The following FAM53A variants were observed in gnomAD, a reference collection of about 807,000 sequenced individuals.
FAM53A encodes the protein protein FAM53A.
A neutral mutation model predicts 26.6 loss-of-function variants in FAM53A; 28 were observed. The observed-to-expected ratio is 1.05, with a 90% CI of 0.78 to 1.45. The LOEUF (loss-of-function observed/expected upper bound fraction) is 1.45. Ranked by LOEUF, FAM53A falls within the 40% of genes most tolerant of loss-of-function variation. The pLI, the probability that FAM53A is intolerant of heterozygous loss-of-function variation, is 0.00. For synonymous variants in FAM53A, 290 were observed against 253.1 expected (o/e 1.15, Z -1.38); for missense variants, 650 against 575.8 (o/e 1.13, Z -1.32).
intron 4 of FAM53A, among the ~76,000 whole-genome samples, chr4:1,649,640 G>A (rs1712571247): frequency 1.3e-5 from 2 of 152,250 alleles, no homozygotes; most frequent in African/African-American, 4.8e-5. Flanking sequence ...TGCCCCTCAG[G>A]GAGGCCCATG....
intron 1 of FAM53A, among the ~76,000 whole-genome samples, chr4:1,624,890 C>T (rs1042128980): frequency 2.6e-5 from 4 of 151,918 alleles, no homozygotes; most frequent in African/African-American, 9.7e-5. Flanking sequence ...AGGGGTCACA[C>T]CAGGTGATCA....
chr4:1,649,927 T>G (rs1360492561), intron 4 of FAM53A, among the ~76,000 whole-genome samples: 1 of 136,400 alleles, frequency 7.3e-6, no homozygotes, highest in Non-Finnish European at 1.6e-5. Flanking sequence ...GGCACAGGCG[T>G]GGCGTTTGAC....
At chr4:1,682,730 A>G (rs6599397) in intron 1 of FAM53A, among the ~76,000 whole-genome samples, 103,950 of 151,398 alleles carry the variant, frequency 0.69, 37,185 homozygotes, top group East Asian at 0.94. Flanking sequence ...AACTACCTCT[A>G]TAACTAGAAA....
At chr4:1,579,793 C>A in the FAM53A span, among the ~76,000 whole-genome samples, 39 of 152,138 alleles carry the variant, frequency 2.6e-4, 1 homozygote, top group Non-Finnish European at 5.1e-4. Flanking sequence ...TACGAAGGGG[C>A]GCGGCCCCAG....
chr4:1,593,823 T>A, the FAM53A span, among the ~76,000 whole-genome samples: 29 of 151,754 alleles, frequency 1.9e-4, no homozygotes, highest in Non-Finnish European at 3.2e-4. Flanking sequence ...GGTGAAAAAA[T>A]TAAGTATTGA....
rs1393078906 is a variant in FAM53A at position 1,649,134 on chromosome 4, GGGGAAGGGGAAA to G, written c.882+5832_882+5843del. ...AAGGGAAAGGGAAGAGGAAGGGGAA[GGGGAAGGGGAAA>G]GGGAAGGGGAAAGGGAAGGGGAAAG... is the stretch of plus-strand genomic sequence containing the variant. On this transcript the variant is annotated intron_variant, in intron 4 of 4. Coordinates refer to ENST00000308132, the MANE Select transcript of FAM53A (RefSeq NM_001174070.3). Among the ~76,000 whole-genome samples the G allele has an allele frequency of 9.8e-4, 125 of 127,178 alleles. 1 individual carries two copies. Among genetic ancestry groups the G allele is most frequent in the East Asian group, 3.2e-3 (16 of 4,984 alleles). The allele number at this position is 127,178 out of a possible 152,430, so 83.4% of individuals were successfully genotyped here.
chr4:1,590,840 T>C, the FAM53A span, among the ~76,000 whole-genome samples: 2 of 151,294 alleles, frequency 1.3e-5, no homozygotes, highest in Admixed American at 6.6e-5. Context: ...ATTTAATCTA[T>C]TGTTTTATAA....
the FAM53A span, among the ~76,000 whole-genome samples, chr4:1,598,585 G>A: frequency 6.6e-6 from 1 of 152,106 alleles, no homozygotes; most frequent in African/African-American, 2.4e-5. Flanking sequence ...AATTGCTGTC[G>A]TCCGATCCTT....
At chr4:1,648,210 C>T (rs1377657940) in intron 4 of FAM53A, among the ~76,000 whole-genome samples, 3 of 152,014 alleles carry the variant, frequency 2.0e-5, no homozygotes, top group Non-Finnish European at 4.4e-5. Flanking sequence ...GACCCTGTCT[C>T]CAAAAAACAA....
chr4:1,650,484 T>C (rs1235147037), intron 4 of FAM53A, among the ~76,000 whole-genome samples: 1 of 152,024 alleles, frequency 6.6e-6, no homozygotes. Flanking sequence ...GTTTTGATTT[T>C]GGTTTTTTCT....
chr4:1,627,604 C>T (rs1401914708), intron 1 of FAM53A, among the ~76,000 whole-genome samples: 1 of 152,204 alleles, frequency 6.6e-6, no homozygotes, highest in African/African-American at 2.4e-5. Flanking sequence ...GGGCCTGATC[C>T]TTCTTGTCCT....
the FAM53A span, among the ~76,000 whole-genome samples, chr4:1,578,727 C>A: frequency 7.0e-6 from 1 of 143,598 alleles, no homozygotes; most frequent in South Asian, 2.4e-4. Flanking sequence ...AAGCTCCCAC[C>A]GTCACCAGGG....
At chr4:1,675,787 C>A (rs1296377379) in intron 1 of FAM53A, among the ~76,000 whole-genome samples, 1 of 152,202 alleles carries the variant, frequency 6.6e-6, no homozygotes, top group East Asian at 1.9e-4. Context: ...AATCCTCACC[C>A]TGGTCCTCCA....
the FAM53A span, among the ~76,000 whole-genome samples, chr4:1,592,100 T>C: frequency 6.6e-5 from 10 of 152,336 alleles, no homozygotes; most frequent in Admixed American, 2.6e-4. Flanking sequence ...CTATTTGTTC[T>C]GTGGGGTTTG....
the FAM53A span, among the ~76,000 whole-genome samples, chr4:1,588,563 G>T: frequency 6.6e-6 from 1 of 152,314 alleles, no homozygotes; most frequent in East Asian, 1.9e-4. Flanking sequence ...CACATGGTCA[G>T]GAAAGAACCT....
the FAM53A span, among the ~76,000 whole-genome samples, chr4:1,580,845 C>A: frequency 1.2e-5 from 1 of 83,738 alleles, no homozygotes. Flanking sequence ...CCCCCTCTAA[C>A]CTGGGCCACG....
the FAM53A span, among the ~76,000 whole-genome samples, chr4:1,605,213 T>C: frequency 6.6e-6 from 1 of 152,120 alleles, no homozygotes; most frequent in Non-Finnish European, 1.5e-5. The surrounding 1 kb of genome is among the most constrained non-coding windows in gnomAD (Gnocchi z 5.7). Context: ...TGGGGTTGTT[T>C]CCGCTCCACA....
rs1182361104 is a variant in FAM53A, at chr4:1,655,455, G to A, written c.405C>T (p.Ser135=). 5.2e-6 allele frequency: 8 copies of A among 1,546,276 alleles called. No homozygotes were observed. Among genetic ancestry groups the A allele is most frequent in the Admixed American group, 4.0e-5 (2 of 49,482 alleles). The part of the protein sequence containing the change: ...SEPEELVRCR[S]PWRPGSSKVW... ...CCTTGGAGCTGCCGGGGCGCCAGGG[G>A]GACCGGCAGCGCACAAGCTCCTCGG... Residue 135 remains serine (S), a synonymous_variant, in exon 4 of 5, where the codon TCC becomes TCT. Coordinates refer to ENST00000308132, the MANE Select transcript of FAM53A (RefSeq NM_001174070.3).
downstream of FAM53A, among the ~76,000 whole-genome samples, chr4:1,639,180 C>G (rs1371131715): frequency 6.6e-6 from 1 of 152,174 alleles, no homozygotes; most frequent in African/African-American, 2.4e-5. Flanking sequence ...TCCTGCAGAC[C>G]AGTGGCCGGT....
Sources: gnomAD v4.1 joint callset for allele counts (sites outside exome capture counted in the v4.1 genomes callset) on GRCh38, gnomAD v4.1.1 for gene constraint, Gnocchi (gnomAD v3.1) non-coding constraint, MANE v1.5 for transcripts, NCBI Gene and HGNC (gene_info 2026-07-23, HGNC 2026-07-21) for gene names.